The following RAC2 variants were observed in gnomAD, a reference collection of about 807,000 sequenced individuals.
RAC2 encodes the protein ras-related C3 botulinum toxin substrate 2.
A neutral mutation model predicts 24.0 loss-of-function variants in RAC2; 1 was observed. The observed-to-expected ratio is 0.04, with a 90% CI of 0.01 to 0.20. The LOEUF (loss-of-function observed/expected upper bound fraction) is 0.20. RAC2 is among the 10% of genes least tolerant of loss of function. RAC2 has a pLI of 1.00. For synonymous variants in RAC2, 114 were observed against 106.8 expected (o/e 1.07, Z -0.41); for missense variants, 130 against 259.1 (o/e 0.50, Z 3.42).
rs183013960 is a variant in RAC2 at position 37,241,001 on chromosome 22, C to T, written c.107+586G>A. 8.8e-4 allele frequency: 629 copies of T among 716,470 alleles called. 1 individual carries two copies. The highest frequency in any genetic ancestry group is 6.1e-3 in the African/African-American group (347 of 57,278). The allele number at this position is 716,470 out of a possible 1,614,324, so 44.4% of individuals were successfully genotyped here. A position where few individuals can be genotyped will look rare whatever the true frequency, so the allele number is the denominator to read the frequency against. On this transcript the variant is annotated intron_variant, in intron 2 of 6. Coordinates refer to ENST00000249071, the MANE Select transcript of RAC2 (RefSeq NM_002872.5). ...AGCCTTGAGTGCCATGCTAGGGAGT[C>T]GGGGAAATGTCCTAGGAGTGATGGG...
intron 2 of RAC2, among the ~76,000 whole-genome samples, chr22:37,236,716 C>T (rs191591580): frequency 3.9e-5 from 6 of 152,176 alleles, no homozygotes; most frequent in Admixed American, 3.9e-4. Flanking sequence ...CCCACCCCCA[C>T]GGAGGAAGGA....
intron 2 of RAC2, among the ~76,000 whole-genome samples, chr22:37,239,460 A>G (rs1341892733): frequency 1.3e-5 from 2 of 152,054 alleles, no homozygotes; most frequent in African/African-American, 4.8e-5. Flanking sequence ...GGTCGGGCCT[A>G]TTTCTCCAGC....
intron 1 of RAC2, among the ~76,000 whole-genome samples, chr22:37,243,767 C>T (rs2145832710): frequency 6.6e-6 from 1 of 152,340 alleles, no homozygotes; most frequent in South Asian, 2.1e-4. Flanking sequence ...TTCAGGTTTC[C>T]CACTTCCCTC....
At chr22:37,239,415 C>A (rs111610073) in intron 2 of RAC2, among the ~76,000 whole-genome samples, 2 of 152,214 alleles carry the variant, frequency 1.3e-5, no homozygotes, top group African/African-American at 4.8e-5. Flanking sequence ...GATACCTTCA[C>A]CCAATCCTTC....
chr22:37,237,222 A>C (rs1461981190), intron 2 of RAC2, among the ~76,000 whole-genome samples: 2 of 63,978 alleles, frequency 3.1e-5, no homozygotes, highest in African/African-American at 1.2e-4. Flanking sequence ...GGAGGGAGGA[A>C]GGGAGGGAGG....
At chr22:37,226,620 G>A in intron 6 of RAC2, 51 bp downstream of exon 6, 1 of 1,601,668 alleles carries the variant, frequency 6.2e-7, no homozygotes. Flanking sequence ...CCACTGCTCA[G>A]CCAGGGCCTG....
chr22:37,232,169 T>C (rs1927086144), intron 3 of RAC2, among the ~76,000 whole-genome samples, 175 bp from the exon 4 acceptor site: 1 of 152,196 alleles, frequency 6.6e-6, no homozygotes, highest in Non-Finnish European at 1.5e-5. Flanking sequence ...ACGAGGCTGC[T>C]GTTTGTTAGG....
intron 2 of RAC2, 21 bp from the exon 3 acceptor site, chr22:37,232,939 G>T: frequency 6.3e-7 from 1 of 1,576,108 alleles, no homozygotes; most frequent in Non-Finnish European, 8.7e-7. Flanking sequence ...CAGGCAAGGC[G>T]GAGGTAAGGT....
chr22:37,233,562 C>A (rs1440124828), intron 2 of RAC2, among the ~76,000 whole-genome samples: 1 of 152,230 alleles, frequency 6.6e-6, no homozygotes, highest in Non-Finnish European at 1.5e-5. Context: ...GGATTACAGG[C>A]GTGAGCCACT....
At chr22:37,226,521 G>C (rs1402101019) in intron 6 of RAC2, 150 bp downstream of exon 6, 3 of 1,043,726 alleles carry the variant, frequency 2.9e-6, no homozygotes, top group Non-Finnish European at 4.1e-6. Context: ...GGCCCAGGCA[G>C]ATGACAAGTA....
chr22:37,233,820 A>G (rs1431026378), intron 2 of RAC2, among the ~76,000 whole-genome samples: 1 of 151,528 alleles, frequency 6.6e-6, no homozygotes, highest in Non-Finnish European at 1.5e-5. Flanking sequence ...GGGAGACAGA[A>G]CGGACCGTGC....
intron 1 of RAC2, among the ~76,000 whole-genome samples, chr22:37,243,506 C>G (rs1216908097): frequency 1.3e-5 from 2 of 152,194 alleles, no homozygotes; most frequent in Non-Finnish European, 2.9e-5. Context: ...ACCCACATCC[C>G]CCACACATCC....
chr22:37,243,149 T>C (rs1927457114), intron 1 of RAC2, among the ~76,000 whole-genome samples: 1 of 152,166 alleles, frequency 6.6e-6, no homozygotes, highest in Non-Finnish European at 1.5e-5. Flanking sequence ...CAGGCGCATA[T>C]GCCACCACTC....
intron 2 of RAC2, 139 bp from the exon 3 acceptor site, chr22:37,233,057 C>A: frequency 2.9e-6 from 2 of 701,598 alleles, no homozygotes; most frequent in Non-Finnish European, 5.2e-6. Flanking sequence ...ACAGCATTTG[C>A]AATTGGGTTT....
Position 37,231,407 on chromosome 22 carries a change from G to A in RAC2, c.289-17C>T, listed in dbSNP as rs1320321893. The A allele has an allele frequency of 6.2e-7, 1 of 1,613,592 alleles. No individual in the cohort carries two copies. Among genetic ancestry groups the A allele is most frequent in the Non-Finnish European group, 8.5e-7 (1 of 1,179,926 alleles). ...TGGGAACCACTGGGCAGGTGGGTGG[G>A]GGGACACAAGGTTGTATGGGTCAAG... On this transcript the variant is annotated splice_polypyrimidine_tract_variant and intron_variant, in intron 4 of 6. Transcript: ENST00000249071. The surrounding 1 kb of genome is among the most constrained non-coding windows in gnomAD (Gnocchi z 5.5).
intron 5 of RAC2, among the ~76,000 whole-genome samples, chr22:37,230,601 C>CT (rs1927031230): frequency 6.6e-6 from 1 of 152,174 alleles, no homozygotes; most frequent in Non-Finnish European, 1.5e-5. Flanking sequence ...TCAAATCTGG[C>CT]TGGGCCACCT....
intron 2 of RAC2, 101 bp from the exon 3 acceptor site, chr22:37,233,019 A>T: frequency 1.1e-6 from 1 of 901,290 alleles, no homozygotes; most frequent in Non-Finnish European, 1.8e-6. Context: ...TGAGACCTAG[A>T]GACAGTCTGC....
At chr22:37,237,276 G>T (rs1037582748) in intron 2 of RAC2, among the ~76,000 whole-genome samples, 3 of 151,782 alleles carry the variant, frequency 2.0e-5, no homozygotes, top group African/African-American at 7.3e-5. Context: ...AAGTCTTAGG[G>T]AGGGGCCAGA....
At chr22:37,240,562 G>A (rs758784586) in intron 2 of RAC2, among the ~76,000 whole-genome samples, 1 of 152,224 alleles carries the variant, frequency 6.6e-6, no homozygotes, top group Non-Finnish European at 1.5e-5. Context: ...GTCCAAGTCA[G>A]GTCAACTCAA....
Sources: allele counts gnomAD v4.1 joint callset (sites outside exome capture counted in the v4.1 genomes callset), GRCh38; gene constraint gnomAD v4.1.1; non-coding constraint Gnocchi (gnomAD v3.1); transcripts MANE v1.5; gene names NCBI Gene and HGNC (gene_info 2026-07-23, HGNC 2026-07-21).